RAB3GAP2: variants seen among roughly 807,000 people sequenced by gnomAD.
RAB3GAP2 encodes the protein RAB3 GTPase activating non-catalytic protein subunit 2, also known as rab3 GTPase-activating protein non-catalytic subunit.
RAB3GAP2 carries 87 observed loss-of-function variants against 185.3 expected under a neutral mutation model. The observed-to-expected ratio is 0.47, with a 90% CI of 0.39 to 0.56. The LOEUF (loss-of-function observed/expected upper bound fraction) is 0.56, where lower values mean the gene tolerates loss of function less well. Among genes scored for constraint, RAB3GAP2 ranks in the 20% least tolerant of loss-of-function variants. The pLI, the probability that RAB3GAP2 is intolerant of heterozygous loss-of-function variation, is 0.00. For missense variants in RAB3GAP2, 1,492 were observed against 1,638.2 expected, an observed-to-expected ratio of 0.91 and a Z score of 1.54; for synonymous variants, 554 against 576.1, an observed-to-expected ratio of 0.96 and a Z score of 0.55.
At chr1:220,187,878 G>C (rs1658534615) in intron 17 of RAB3GAP2, among the ~76,000 whole-genome samples, 1 of 152,004 alleles carries the variant, frequency 6.6e-6, no homozygotes, top group African/African-American at 2.4e-5. Flanking sequence ...CAAAGAGGGG[G>C]TCATAGTAAC....
At chr1:220,264,189 T>G (rs1660189533) in intron 1 of RAB3GAP2, among the ~76,000 whole-genome samples, 4 of 152,054 alleles carry the variant, frequency 2.6e-5, no homozygotes, top group Admixed American at 2.6e-4. Flanking sequence ...CAAAAAAGGA[T>G]ATGAATTAAG....
intron 22 of RAB3GAP2, 88 bp from the exon 23 acceptor site, chr1:220,172,137 T>A: frequency 7.7e-7 from 1 of 1,294,668 alleles, no homozygotes; most frequent in Non-Finnish European, 1.1e-6. Flanking sequence ...ATGTTAAAAC[T>A]AAGTTACCTA....
rs375891950 is a variant in RAB3GAP2 at position 220,162,294 on chromosome 1, T to G, written c.3155-26A>C. 4.1e-6 allele frequency: 6 copies of G among 1,461,256 alleles called. No individual in the cohort carries two copies. In the Admixed American group the frequency reaches 8.4e-5, roughly 20 times the overall value. The allele number at this position is 1,461,256 out of a possible 1,614,324, so 90.5% of individuals were successfully genotyped here. A position where few individuals can be genotyped will look rare whatever the true frequency, so the allele number is the denominator to read the frequency against. ...CTAGATAGCAAGTAAAAGTAGTAAA[T>G]AGAATGCTTATATAGTCTCACTTTT... On this transcript the variant is annotated intron_variant, in intron 27 of 34. Coordinates refer to ENST00000358951, the MANE Select transcript of RAB3GAP2 (RefSeq NM_012414.4).
chr1:220,223,961 G>A (rs1453785971), intron 2 of RAB3GAP2, among the ~76,000 whole-genome samples: 3 of 141,502 alleles, frequency 2.1e-5, no homozygotes, highest in Non-Finnish European at 4.5e-5. Flanking sequence ...AGCCATGATC[G>A]TGCCACTGCA....
rs1273294958 is a variant in RAB3GAP2 at position 220,163,736 on chromosome 1, AATAC to A, written c.3154+993_3154+996del. Among the ~76,000 whole-genome samples, 631 of 103,218 alleles carry A rather than the reference AATAC, an allele frequency of 6.1e-3. 12 individuals are homozygous for A. Among genetic ancestry groups the A allele is most frequent in the Middle Eastern group, 0.034 (7 of 208 alleles). 67.7% of individuals were successfully genotyped at this position (103,218 alleles called of 152,430 possible). A position where few individuals can be genotyped will look rare whatever the true frequency, so the allele number is the denominator to read the frequency against. Reference sequence around the variant, plus strand: ...CTAAATCAGTCAAGGTAAATATATAAATACATACATATATATATATATATATATA... The same window carrying A: ...CTAAATCAGTCAAGGTAAATATATAAATACATATATATATATATATATATA... On this transcript the variant is annotated intron_variant, in intron 27 of 34. Transcript: ENST00000358951.
At position 220,190,415 on chromosome 1, in the gene RAB3GAP2, A is replaced by T. The variant is rs747104956; in HGVS notation, c.1593T>A (p.Ser531Arg). ...GGAAGGGAACGTTCACTGTTTTCAC[A>T]CTTCCAGACACTGGATCAACCAGAC... ...QICLVDPVSG[S>R]VKTVNVPFHL... Residue 531 changes from serine to arginine, a missense_variant, in exon 15 of 35, where the codon AGT (serine) becomes AGA (arginine). Transcript: ENST00000358951. The T allele has an allele frequency of 3.9e-5, 63 of 1,613,978 alleles. No individual in the cohort carries two copies. Among genetic ancestry groups the T allele is most frequent in the Non-Finnish European group, 5.1e-5 (60 of 1,179,990 alleles).
At chr1:220,157,733 A>T in intron 30 of RAB3GAP2, 69 bp downstream of exon 30, 1 of 1,357,894 alleles carries the variant, frequency 7.4e-7, no homozygotes, top group Non-Finnish European at 1.0e-6. Flanking sequence ...GTCATTTATT[A>T]AATGCAATGG....
At chr1:220,193,210 AT>A (rs1558150670) in intron 13 of RAB3GAP2, 29 bp downstream of exon 13, 3 of 1,612,598 alleles carry the variant, frequency 1.9e-6, no homozygotes, top group Non-Finnish European at 1.7e-6. Flanking sequence ...AAGTGAATTA[AT>A]TGTTTTTCTG....
At position 220,213,953 on chromosome 1, in the gene RAB3GAP2, T is replaced by G; in HGVS notation, c.207A>C (p.Thr69=). Residue 69 remains threonine (T), a synonymous_variant, in exon 3 of 35, where the codon ACA becomes ACC. Coordinates refer to ENST00000358951, the MANE Select transcript of RAB3GAP2 (RefSeq NM_012414.4). The part of the protein sequence containing the change: ...EPEEEGNTCK[T]QKTSWLQDCV... ...AATCTTGGAGCCAGGAAGTTTTTTG[T>G]GTTTTGCAAGTATTTCCTTCTTCTT... 1 of 1,613,536 alleles carries G rather than the reference T, an allele frequency of 6.2e-7. No individual in the cohort carries two copies. Among genetic ancestry groups the G allele is most frequent in the South Asian group, 1.1e-5 (1 of 91,062 alleles).
chr1:220,158,492 G>A lies in RAB3GAP2; in HGVS notation c.3262-616C>T, dbSNP rs1370622041. ...TTTCATTCTTGTTGCCCAGGCTGGA[G>A]TACAGTGGCACGATCTCGGCTCACT... On this transcript the variant is annotated intron_variant, in intron 29 of 34. Coordinates refer to ENST00000358951, the MANE Select transcript of RAB3GAP2 (RefSeq NM_012414.4). The surrounding 1 kb of genome is among the most constrained non-coding windows in gnomAD (Gnocchi z 4.3). 6.6e-6 allele frequency among the ~76,000 whole-genome samples: 1 copy of A among 151,730 alleles called. No individual in the cohort carries two copies. Among genetic ancestry groups the A allele is most frequent in the Non-Finnish European group, 1.5e-5 (1 of 67,974 alleles).
chr1:220,212,582 C>G (rs564927686), intron 4 of RAB3GAP2, among the ~76,000 whole-genome samples: 1 of 152,048 alleles, frequency 6.6e-6, no homozygotes, highest in Non-Finnish European at 1.5e-5. Flanking sequence ...CAGCCTCAAA[C>G]TCCTGGGTTC....
Position 220,210,493 on chromosome 1 carries a change from G to C in RAB3GAP2, c.511-4C>G, listed in dbSNP as rs779634709. 2.5e-6 allele frequency: 4 copies of C among 1,610,466 alleles called. 1 individual carries two copies. In the South Asian group the frequency reaches 3.3e-5, roughly 13 times the overall value. On this transcript the variant is annotated splice_region_variant and splice_polypyrimidine_tract_variant and intron_variant, in intron 6 of 34. Coordinates refer to ENST00000358951, the MANE Select transcript of RAB3GAP2 (RefSeq NM_012414.4). ...GTGCAAGCAAGAGCACACCATTCTA[G>C]GAGGAAGCACAGAGAAGGGCCCTGC...
At chr1:220,205,836 A>G (rs941137699) in intron 8 of RAB3GAP2, 71 bp downstream of exon 8, 30 of 1,154,576 alleles carry the variant, frequency 2.6e-5, no homozygotes, top group Non-Finnish European at 1.3e-5. Context: ...GACATACTTA[A>G]TTCCATAAGC....
chr1:220,201,179 A>T (rs1658849349), intron 9 of RAB3GAP2, among the ~76,000 whole-genome samples: 1 of 152,084 alleles, frequency 6.6e-6, no homozygotes, highest in Non-Finnish European at 1.5e-5. Flanking sequence ...TGCAAGAAGA[A>T]ATCTGCTTTT....
At chr1:220,243,196 T>C (rs1659729606) in intron 1 of RAB3GAP2, among the ~76,000 whole-genome samples, 1 of 151,670 alleles carries the variant, frequency 6.6e-6, no homozygotes, top group Non-Finnish European at 1.5e-5. Context: ...CTACTAAAAA[T>C]ACAAAAAATT....
At chr1:220,199,455 T>C (rs76746698) in intron 9 of RAB3GAP2, among the ~76,000 whole-genome samples, 10,444 of 152,278 alleles carry the variant, frequency 0.069, 507 homozygotes, top group South Asian at 0.13. Context: ...AGTCAGTAAG[T>C]AAATAACTCC....
intron 1 of RAB3GAP2, among the ~76,000 whole-genome samples, chr1:220,241,410 G>A (rs1483368075): frequency 6.6e-6 from 1 of 151,978 alleles, no homozygotes; most frequent in Non-Finnish European, 1.5e-5. Flanking sequence ...AAAGATCTTA[G>A]TACAGAAGTA....
At chr1:220,181,207 G>C (rs1658398299) in intron 21 of RAB3GAP2, among the ~76,000 whole-genome samples, 1 of 152,118 alleles carries the variant, frequency 6.6e-6, no homozygotes, top group Non-Finnish European at 1.5e-5. Context: ...GCACATCCTT[G>C]ATCTCCCTGA....
At chr1:220,170,653 C>T (rs1374386139) in intron 24 of RAB3GAP2, among the ~76,000 whole-genome samples, 1 of 152,178 alleles carries the variant, frequency 6.6e-6, no homozygotes, top group East Asian at 1.9e-4. Context: ...CCTCTGACCA[C>T]TCTTTGAGAA....
Sources: gnomAD v4.1 joint callset for allele counts (sites outside exome capture counted in the v4.1 genomes callset) on GRCh38, gnomAD v4.1.1 for gene constraint, Gnocchi (gnomAD v3.1) non-coding constraint, MANE v1.5 for transcripts, NCBI Gene and HGNC (gene_info 2026-07-23, HGNC 2026-07-21) for gene names.